PTPN14: variants seen among roughly 807,000 people sequenced by gnomAD.
PTPN14 encodes protein tyrosine phosphatase non-receptor type 14, also known as tyrosine-protein phosphatase non-receptor type 14.
In PTPN14, 53 loss-of-function variants were observed where a neutral mutation model predicts 126.8. The ratio of observed to expected loss-of-function variants is 0.42; its 90% CI spans 0.34 to 0.53. PTPN14 has a LOEUF of 0.53. Among genes scored for constraint, PTPN14 ranks in the 20% least tolerant of loss-of-function variants. PTPN14 has a pLI of 0.08. For synonymous variants in PTPN14, 630 were observed against 599.3 expected (o/e 1.05, Z -0.75); for missense variants, 1,257 against 1,552.9 (o/e 0.81, Z 3.20).
chr1:214,516,773 G>A (rs926246960), intron 1 of PTPN14, among the ~76,000 whole-genome samples: 2 of 152,016 alleles, frequency 1.3e-5, no homozygotes, highest in African/African-American at 4.8e-5. Flanking sequence ...AGGCAGGCAG[G>A]TGCTAAGTGT....
intron 1 of PTPN14, among the ~76,000 whole-genome samples, chr1:214,466,243 T>A (rs1355317287): frequency 1.3e-5 from 2 of 151,276 alleles, no homozygotes; most frequent in African/African-American, 2.4e-5. Flanking sequence ...GTTACAAGCG[T>A]GAGCCAACGC....
intron 1 of PTPN14, among the ~76,000 whole-genome samples, chr1:214,477,026 T>A (rs185451856): frequency 2.0e-5 from 3 of 152,256 alleles, no homozygotes; most frequent in East Asian, 3.9e-4. Flanking sequence ...AGGCTGTTCA[T>A]CACTAAGAGA....
intron 18 of PTPN14, among the ~76,000 whole-genome samples, chr1:214,362,114 C>T (rs1657969883): frequency 1.3e-5 from 2 of 152,148 alleles, no homozygotes; most frequent in South Asian, 4.1e-4. Flanking sequence ...AAAATCTTTG[C>T]TTGAAACACA....
At chr1:214,367,068 T>C in intron 17 of PTPN14, among the ~76,000 whole-genome samples, 1 of 152,132 alleles carries the variant, frequency 6.6e-6, no homozygotes. Flanking sequence ...GACTATACTT[T>C]AAAGTGCCTT....
chr1:214,386,509 G>A (rs1322491931), intron 12 of PTPN14, among the ~76,000 whole-genome samples: 3 of 152,172 alleles, frequency 2.0e-5, no homozygotes, highest in Non-Finnish European at 2.9e-5. Flanking sequence ...TGACTGCCAC[G>A]AGCTTTCTGA....
chr1:214,376,934 A>G (rs1163193534), intron 14 of PTPN14, among the ~76,000 whole-genome samples: 1 of 152,218 alleles, frequency 6.6e-6, no homozygotes, highest in Non-Finnish European at 1.5e-5. Context: ...AAAACATTCT[A>G]ATTCTGGATA....
intron 18 of PTPN14, among the ~76,000 whole-genome samples, chr1:214,361,785 A>G (rs549271202): frequency 6.6e-6 from 1 of 152,306 alleles, no homozygotes; most frequent in East Asian, 1.9e-4. Context: ...AGTCTCAGCT[A>G]ACACTCAGTG....
chr1:214,537,152 T>C (rs888405260), intron 1 of PTPN14, among the ~76,000 whole-genome samples: 1 of 152,220 alleles, frequency 6.6e-6, no homozygotes, highest in African/African-American at 2.4e-5. Context: ...GTTTGATTTT[T>C]ATCATTTCCT....
rs1347366269 is a variant in PTPN14, at chr1:214,426,433, T to C, written c.345-11707A>G. ...TCATTTTGAACATCCTTTCTTCTTT[T>C]AGAGTTTTAGTTTTCTAATTGCCTT... On this transcript the variant is annotated intron_variant, in intron 3 of 18. Transcript: ENST00000366956. Among the ~76,000 whole-genome samples, 3 of 152,184 alleles carry C rather than the reference T, an allele frequency of 2.0e-5. No homozygotes were observed. The East Asian group carries it at 5.8e-4, about 29-fold the overall frequency.
intron 8 of PTPN14, among the ~76,000 whole-genome samples, chr1:214,396,380 T>C (rs909767022): frequency 6.6e-6 from 1 of 152,200 alleles, no homozygotes; most frequent in Admixed American, 6.5e-5. Flanking sequence ...GGGGCAATAC[T>C]CTCTAATAGT....
intron 1 of PTPN14, among the ~76,000 whole-genome samples, chr1:214,540,200 T>C (rs1655803416): frequency 6.6e-6 from 1 of 151,822 alleles, no homozygotes; most frequent in Admixed American, 6.6e-5. Flanking sequence ...ACACAGGGAG[T>C]CTAAAAGTCA....
intron 3 of PTPN14, among the ~76,000 whole-genome samples, chr1:214,427,115 C>T (rs1045823482): frequency 6.6e-6 from 1 of 151,756 alleles, no homozygotes; most frequent in Non-Finnish European, 1.5e-5. Context: ...CCCATCTCTA[C>T]TAAAAATACA....
At chr1:214,511,860 T>A (rs1340730929) in intron 1 of PTPN14, among the ~76,000 whole-genome samples, 1 of 152,214 alleles carries the variant, frequency 6.6e-6, no homozygotes, top group African/African-American at 2.4e-5. Context: ...ACAACATGGA[T>A]GAACCTTGAG....
chr1:214,394,770 T>A, intron 9 of PTPN14, 129 bp downstream of exon 9: 1 of 831,180 alleles, frequency 1.2e-6, no homozygotes, highest in Non-Finnish European at 2.0e-6. Context: ...TGACCAAGTA[T>A]TAGAAAGCAT....
Position 214,464,738 on chromosome 1 carries a change from G to A in PTPN14, c.66C>T (p.Val22=). The change falls in exon 2 of 19, where the codon GTC becomes GTT. Residue 22 remains valine, a synonymous_variant. Coordinates refer to ENST00000366956, the MANE Select transcript of PTPN14 (RefSeq NM_005401.5). ...TGCTGTCCAGCAGGCGAATCCGTGTGACAAAGCAGTTCTTGCTCAGGACGT... is the reference window on the plus strand; with the variant it reads ...TGCTGTCCAGCAGGCGAATCCGTGTAACAAAGCAGTTCTTGCTCAGGACGT... ...RYNVLSKNCF[V]TRIRLLDSNV... 1 of 1,614,300 alleles carries A rather than the reference G, an allele frequency of 6.2e-7. No homozygotes were observed. Among genetic ancestry groups the A allele is most frequent in the Non-Finnish European group, 8.5e-7 (1 of 1,180,056 alleles).
intron 1 of PTPN14, chr1:214,531,647 A>G (rs879859565): frequency 6.6e-6 from 1 of 152,170 alleles, no homozygotes; most frequent in African/African-American, 2.4e-5. Context: ...CAGAGCCTTA[A>G]ATGAGGAACT....
intron 15 of PTPN14, among the ~76,000 whole-genome samples, chr1:214,374,659 A>C (rs1658300043): frequency 6.6e-6 from 1 of 152,198 alleles, no homozygotes; most frequent in Admixed American, 6.5e-5. Context: ...CTATTCCAAA[A>C]CACAGGGACA....
At chr1:214,550,287 C>G (rs1320477930) in intron 1 of PTPN14, among the ~76,000 whole-genome samples, 1 of 152,210 alleles carries the variant, frequency 6.6e-6, no homozygotes, top group East Asian at 1.9e-4. Context: ...GGTGGAAACT[C>G]TGTAACTGCC....
At chr1:214,478,140 A>G (rs1387559308) in intron 1 of PTPN14, among the ~76,000 whole-genome samples, 1 of 152,254 alleles carries the variant, frequency 6.6e-6, no homozygotes, top group Non-Finnish European at 1.5e-5. Flanking sequence ...TTCATTGGAA[A>G]TAAAAGCAAT....
Sources: allele counts gnomAD v4.1 joint callset (sites outside exome capture counted in the v4.1 genomes callset), GRCh38; gene constraint gnomAD v4.1.1; transcripts MANE v1.5; gene names NCBI Gene and HGNC (gene_info 2026-07-23, HGNC 2026-07-21).